DLG2: variants seen among roughly 807,000 people sequenced by gnomAD.
The protein encoded by DLG2 is disks large homolog 2.
DLG2 carries 45 observed loss-of-function variants against 132.5 expected under a neutral mutation model. The observed-to-expected ratio is 0.34, with a 90% confidence interval of 0.27 to 0.44. The LOEUF is 0.44. Ranked by LOEUF, DLG2 falls within the 20% of genes least tolerant of loss-of-function variation. The probability of loss-of-function intolerance (pLI) is 1.00; values close to 1 mark genes in which losing one functional copy is unlikely to be tolerated. For synonymous variants in DLG2, 424 were observed against 419.6 expected, an observed-to-expected ratio of 1.01 and a Z score of -0.13; for missense variants, 1,045 against 1,196.9, an observed-to-expected ratio of 0.87 and a Z score of 1.87.
intron 6 of DLG2, among the ~76,000 whole-genome samples, chr11:85,105,941 G>A (rs1178080787): frequency 1.3e-5 from 2 of 150,394 alleles, no homozygotes; most frequent in Admixed American, 6.6e-5. Flanking sequence ...TACCAAATTA[G>A]GTCACACAAT....
At chr11:84,333,192 G>A (rs2098468964) in intron 7 of DLG2, among the ~76,000 whole-genome samples, 1 of 152,156 alleles carries the variant, frequency 6.6e-6, no homozygotes, top group Non-Finnish European at 1.5e-5. Context: ...TCCAATGAAA[G>A]GTCTTTTGGA....
intron 6 of DLG2, among the ~76,000 whole-genome samples, chr11:85,089,536 G>A (rs1566826005): frequency 1.3e-5 from 2 of 152,108 alleles, no homozygotes; most frequent in Non-Finnish European, 2.9e-5. Flanking sequence ...ACTGTTGATG[G>A]ACACCTAGGT....
At chr11:83,593,845 A>G (rs1462339587) in intron 19 of DLG2, among the ~76,000 whole-genome samples, 1 of 152,080 alleles carries the variant, frequency 6.6e-6, no homozygotes, top group African/African-American at 2.4e-5. Flanking sequence ...CTGCTTGAAA[A>G]AAAAAGATAA....
chr11:84,655,441 T>G (rs1310273403), intron 6 of DLG2, among the ~76,000 whole-genome samples: 1 of 152,196 alleles, frequency 6.6e-6, no homozygotes. Flanking sequence ...TCTCTTATCC[T>G]GAGTGATTTA....
chr11:85,070,081 C>G (rs992971148), intron 6 of DLG2, among the ~76,000 whole-genome samples: 18 of 151,846 alleles, frequency 1.2e-4, no homozygotes, highest in African/African-American at 4.4e-4. Context: ...CATGTTCTCA[C>G]TCATAGGTGG....
chr11:83,753,929 G>A (rs1161629978), intron 18 of DLG2, among the ~76,000 whole-genome samples: 2 of 137,734 alleles, frequency 1.5e-5, no homozygotes, highest in Admixed American at 1.5e-4. Flanking sequence ...TATATATAGT[G>A]TCTATTTCAT....
intron 21 of DLG2, among the ~76,000 whole-genome samples, chr11:83,514,570 A>G (rs2095211932): frequency 6.6e-6 from 1 of 152,122 alleles, no homozygotes. Flanking sequence ...CACTATGTTG[A>G]ATAGGAGTGG....
intron 7 of DLG2, among the ~76,000 whole-genome samples, chr11:84,375,734 C>T (rs1191031361): frequency 6.6e-6 from 1 of 151,742 alleles, no homozygotes; most frequent in Non-Finnish European, 1.5e-5. Context: ...GAGGCTAGAT[C>T]CTTGCTACCT....
chr11:83,780,971 A>G (rs1015278174), intron 18 of DLG2, among the ~76,000 whole-genome samples: 1 of 152,192 alleles, frequency 6.6e-6, no homozygotes, highest in African/African-American at 2.4e-5. Context: ...ATGTGCATAC[A>G]AGTTATCTGG....
chr11:84,708,101 A>G (rs1037651399), intron 6 of DLG2, among the ~76,000 whole-genome samples: 1 of 151,782 alleles, frequency 6.6e-6, no homozygotes, highest in Non-Finnish European at 1.5e-5. Flanking sequence ...CTAGCCCCCA[A>G]ATAGTTCTTT....
intron 6 of DLG2, among the ~76,000 whole-genome samples, chr11:84,670,484 TAGTG>T (rs2099704564): frequency 6.6e-6 from 1 of 152,158 alleles, no homozygotes; most frequent in Admixed American, 6.5e-5. Flanking sequence ...GATGGGATGC[TAGTG>T]TGTCCACCAG....
chr11:83,974,593 G>A (rs755365545), intron 12 of DLG2, among the ~76,000 whole-genome samples: 1 of 151,794 alleles, frequency 6.6e-6, no homozygotes, highest in South Asian at 2.1e-4. Context: ...GAATCTTCAA[G>A]AGAATTGGGA....
At chr11:83,688,814 T>C (rs1248496199) in intron 18 of DLG2, among the ~76,000 whole-genome samples, 1 of 152,190 alleles carries the variant, frequency 6.6e-6, no homozygotes, top group Admixed American at 6.5e-5. Flanking sequence ...TCTGGTCCCC[T>C]ATAATCTAAT....
chr11:84,736,157 C>T (rs554707627), intron 6 of DLG2, among the ~76,000 whole-genome samples: 69 of 151,820 alleles, frequency 4.5e-4, no homozygotes, highest in Non-Finnish European at 8.0e-4. Flanking sequence ...AATGACTATC[C>T]TTTTTCCATT....
At chr11:84,968,396 C>A (rs1283997090) in intron 6 of DLG2, among the ~76,000 whole-genome samples, 1 of 152,012 alleles carries the variant, frequency 6.6e-6, no homozygotes, top group Non-Finnish European at 1.5e-5. Context: ...GTCAGATGCT[C>A]CCTTGAGTGC....
chr11:85,407,671 A>C (rs1224538561), intron 3 of DLG2, among the ~76,000 whole-genome samples: 1 of 151,824 alleles, frequency 6.6e-6, no homozygotes, highest in Non-Finnish European at 1.5e-5. Context: ...TACCACACCA[A>C]CTACTGCAGT....
chr11:83,638,464 T>C (rs1027280753), intron 18 of DLG2, among the ~76,000 whole-genome samples: 5 of 152,310 alleles, frequency 3.3e-5, no homozygotes, highest in African/African-American at 1.2e-4. Context: ...AGAGAGCTGA[T>C]GGATCTAAAA....
chr11:83,945,987 CTCTCTCT>C (rs2083814003), intron 14 of DLG2, among the ~76,000 whole-genome samples: 1 of 122,580 alleles, frequency 8.2e-6, no homozygotes, highest in Non-Finnish European at 1.6e-5. Flanking sequence ...CTCTTTCTCT[CTCTCTCT>C]TTTTTTTTTT....
intron 3 of DLG2, among the ~76,000 whole-genome samples, chr11:85,394,924 G>T (rs191586958): frequency 1.5e-4 from 23 of 152,168 alleles, no homozygotes; most frequent in African/African-American, 4.8e-4. Flanking sequence ...TGTTCTGCAG[G>T]GCTCCAATTA....
Sources: gnomAD v4.1 joint callset for allele counts (sites outside exome capture counted in the v4.1 genomes callset) on GRCh38, gnomAD v4.1.1 for gene constraint, MANE v1.5 for transcripts, NCBI Gene and HGNC (gene_info 2026-07-23, HGNC 2026-07-21) for gene names.